Variants in ZNF524 observed in about 807,000 individuals in gnomAD.
ZNF524 encodes zinc finger protein 524.
For missense variants in ZNF524, 388 were observed against 380.1 expected (o/e 1.02, Z -0.17); for synonymous variants, 194 against 166.3 (o/e 1.17, Z -1.28).
Position 55,602,886 on chromosome 19 carries a change from G to A in ZNF524, c.774G>A (p.Glu258=), listed in dbSNP as rs756834477. The A allele has an allele frequency of 3.8e-6, 6 of 1,583,332 alleles. No homozygotes were observed. Among genetic ancestry groups the A allele is most frequent in the Non-Finnish European group, 5.1e-6 (6 of 1,165,362 alleles). ...GGGCCGAGGAGGAGGAGGAGACAGAGGGGAAAGGGGAGCCGGCCTGACCCA... is the reference window on the plus strand; with the variant it reads ...GGGCCGAGGAGGAGGAGGAGACAGAAGGGAAAGGGGAGCCGGCCTGACCCA... ...TAGAEEEEET[E]GKGEPA is the part of the protein sequence containing the mutation. The change falls in exon 2 of 2, where the codon GAG becomes GAA. Residue 258 remains glutamate (E), a synonymous_variant. Coordinates refer to ENST00000301073, the MANE Select transcript of ZNF524 (RefSeq NM_153219.4).
chr19:55,601,405 C>T (rs1980673348), intron 1 of ZNF524: 1 of 152,246 alleles, frequency 6.6e-6, no homozygotes, highest in South Asian at 2.1e-4. Context: ...GTATTATGCT[C>T]ATGGCATGTC....
chr19:55,602,692 G>T lies in ZNF524; in HGVS notation c.580G>T (p.Gly194Trp). Residue 194 changes from glycine (G) to tryptophan (W), a missense_variant, in exon 2 of 2, where the codon GGG becomes TGG. Coordinates refer to ENST00000301073, the MANE Select transcript of ZNF524 (RefSeq NM_153219.4). ...GGCGCACCACCACCGCGTGCACTCG[G>T]GGGAGCGCCCGTACCAGTGCCCCAT... The part of the protein sequence containing the change: ...ELAHHHRVHS[G>W]ERPYQCPICR... 1.9e-6 allele frequency: 3 copies of T among 1,600,962 alleles called. No individual in the cohort carries two copies. The South Asian group carries it at 3.3e-5, about 18-fold the overall frequency.
chr19:55,601,937 T>G (rs1980701215), intron 1 of ZNF524, 138 bp from the exon 2 acceptor site: 4 of 518,988 alleles, frequency 7.7e-6, no homozygotes, highest in Non-Finnish European at 1.3e-5. Flanking sequence ...CCCACCAGCA[T>G]AGCTAAAATT....
rs933595277 is a variant in ZNF524 at position 55,602,319 on chromosome 19, G to T, written c.207G>T (p.Val69=). Residue 69 remains valine (V), a synonymous_variant, in exon 2 of 2, where the codon GTG becomes GTT. Transcript: ENST00000301073. ...KSGQEPPLVQ[V]QGVTAPVGSS... ...GGCAGGAGCCCCCACTGGTGCAGGT[G>T]CAGGGGGTGACAGCCCCAGTAGGCA... 4 of 1,577,992 alleles carry T rather than the reference G, an allele frequency of 2.5e-6. No individual in the cohort carries two copies. The African/African-American group carries it at 5.4e-5, about 21-fold the overall frequency.
chr19:55,600,015 C>G (rs1397984356), upstream of ZNF524: 3 of 152,274 alleles, frequency 2.0e-5, no homozygotes, highest in Non-Finnish European at 4.4e-5. Context: ...TTTCCCGCTC[C>G]TCATCATTCG....
intron 1 of ZNF524, chr19:55,601,255 T>C (rs1980665864): frequency 1.3e-5 from 2 of 152,238 alleles, no homozygotes; most frequent in African/African-American, 4.8e-5. Context: ...GGCAACTGAC[T>C]TGGCTTTCCT....
chr19:55,600,558 C>T (rs1568520229), intron 1 of ZNF524, 150 bp downstream of exon 1: 1 of 151,500 alleles, frequency 6.6e-6, no homozygotes, highest in Non-Finnish European at 1.5e-5. Context: ...CGCAGACCCC[C>T]TTCCTGGCAG....
At position 55,603,016 on chromosome 19, in the gene ZNF524, G is replaced by A. The variant is rs1980783618; in HGVS notation, c.*109G>A. 1 of 1,340,058 alleles carries A rather than the reference G, an allele frequency of 7.5e-7. No individual in the cohort carries two copies. The highest frequency in any genetic ancestry group is 1.5e-5 in the African/African-American group (1 of 67,762). 83.0% of individuals were successfully genotyped at this position (1,340,058 alleles called of 1,614,324 possible). On this transcript the variant is annotated 3_prime_UTR_variant, in exon 2 of 2. Coordinates refer to ENST00000301073, the MANE Select transcript of ZNF524 (RefSeq NM_153219.4). ...CACCCTTGTTTCCGGTGGTCTTCCCGTTGTGGGAGCAGGTGGAGGGTGGAG... is the reference window on the plus strand; with the variant it reads ...CACCCTTGTTTCCGGTGGTCTTCCCATTGTGGGAGCAGGTGGAGGGTGGAG...
At chr19:55,601,894 T>G (rs1039403224) in intron 1 of ZNF524, 181 bp from the exon 2 acceptor site, 1 of 418,020 alleles carries the variant, frequency 2.4e-6, no homozygotes, top group African/African-American at 2.0e-5. Context: ...AGTGCCTGTT[T>G]ATCAGCTGAT....
chr19:55,602,620 T>C lies in ZNF524; in HGVS notation c.508T>C (p.Phe170Leu). 1 of 1,581,318 alleles carries C rather than the reference T, an allele frequency of 6.3e-7. No homozygotes were observed. Among genetic ancestry groups the C allele is most frequent in the Non-Finnish European group, 8.5e-7 (1 of 1,170,064 alleles). ...HCNIHAGLRP[F>L]RCPLCPRRFR... ...CAACATCCATGCCGGCCTGCGGCCC[T>C]TCCGCTGCCCGCTGTGCCCCCGCCG... is the stretch of plus-strand genomic sequence containing the variant. Residue 170 changes from phenylalanine to leucine, a missense_variant, in exon 2 of 2, where the codon TTC becomes CTC. By Grantham distance (22) the Phe-to-Leu change is conservative. Transcript: ENST00000301073.
chr19:55,600,865 C>CAGCT (rs1395442632), intron 1 of ZNF524: 1 of 152,418 alleles, frequency 6.6e-6, no homozygotes, highest in Non-Finnish European at 1.5e-5. Flanking sequence ...CACCTGCTTC[C>CAGCT]AGCTGCACCT....
chr19:55,602,232 C>A lies in ZNF524; in HGVS notation c.120C>A (p.Thr40=). ...GAGGCCGTCGTCCTGGGGGAGCCAC[C>A]TCCTCAAATCGGACACTCAAGGCCT... ...GRRGRRPGGA[T]SSNRTLKASL... is the part of the protein sequence containing the mutation. Residue 40 remains threonine, a synonymous_variant, in exon 2 of 2, where the codon ACC becomes ACA. Transcript: ENST00000301073. 2 of 1,612,244 alleles carry A rather than the reference C, an allele frequency of 1.2e-6. No homozygotes were observed. Among genetic ancestry groups the A allele is most frequent in the Non-Finnish European group, 8.5e-7 (1 of 1,179,454 alleles).
chr19:55,600,579 C>G (rs1216602209), intron 1 of ZNF524, 171 bp downstream of exon 1: 3 of 151,974 alleles, frequency 2.0e-5, no homozygotes, highest in Non-Finnish European at 2.9e-5. Flanking sequence ...CCCCCGCCGC[C>G]CGCTTACCCG....
In ZNF524 at chr19:55,603,014, C is replaced by T; in HGVS notation, c.*107C>T. 1 of 1,348,652 alleles carries T rather than the reference C, an allele frequency of 7.4e-7. No individual in the cohort carries two copies. The highest frequency in any genetic ancestry group is 9.9e-7 in the Non-Finnish European group (1 of 1,006,978). 83.5% of individuals were successfully genotyped at this position (1,348,652 alleles called of 1,614,324 possible). ...GACACCCTTGTTTCCGGTGGTCTTCCCGTTGTGGGAGCAGGTGGAGGGTGG... is the reference window on the plus strand; with the variant it reads ...GACACCCTTGTTTCCGGTGGTCTTCTCGTTGTGGGAGCAGGTGGAGGGTGG... On this transcript the variant is annotated 3_prime_UTR_variant, in exon 2 of 2. Transcript: ENST00000301073.
chr19:55,602,258 C>T lies in ZNF524; in HGVS notation c.146C>T (p.Ser49Phe), dbSNP rs1343777661. 6.2e-7 allele frequency: 1 copy of T among 1,607,958 alleles called. No individual in the cohort carries two copies. Among genetic ancestry groups the T allele is most frequent in the South Asian group, 1.1e-5 (1 of 90,232 alleles). Residue 49 changes from serine (S) to phenylalanine (F), a missense_variant, in exon 2 of 2, where the codon TCC becomes TTC. Transcript: ENST00000301073. ...ATSSNRTLKA[S>F]LPRKRGRPPK... The stretch of plus-strand genomic sequence containing the variant: ...TCCTCAAATCGGACACTCAAGGCCT[C>T]CCTCCCTCGCAAGCGGGGCCGCCCC...
At chr19:55,600,546 C>G (rs1599997531) in intron 1 of ZNF524, 138 bp downstream of exon 1, 1 of 151,354 alleles carries the variant, frequency 6.6e-6, no homozygotes, top group African/African-American at 2.4e-5. Flanking sequence ...CGGGCGCGCG[C>G]GCGCAGACCC....
At position 55,602,365 on chromosome 19, in the gene ZNF524, C is replaced by T. The variant is rs746143443; in HGVS notation, c.253C>T (p.Leu85Phe). The change falls in exon 2 of 2, where the codon CTC becomes TTC. Residue 85 changes from leucine (L) to phenylalanine (F), a missense_variant. Transcript: ENST00000301073. ...AGGCAGCAGTGGCGGGAGCGACCTCCTCCTGATCGATGATCAGGGTGTGCC... is the reference window on the plus strand; with the variant it reads ...AGGCAGCAGTGGCGGGAGCGACCTCTTCCTGATCGATGATCAGGGTGTGCC... ...PVGSSGGSDL[L>F]LIDDQGVPYT... 1.4e-5 allele frequency: 22 copies of T among 1,561,754 alleles called. No homozygotes were observed. In the South Asian group the frequency reaches 2.2e-4, roughly 16 times the overall value.
At position 55,602,361 on chromosome 19, in the gene ZNF524, C is replaced by T. The variant is rs751504609; in HGVS notation, c.249C>T (p.Asp83=). 1 of 1,560,588 alleles carries T rather than the reference C, an allele frequency of 6.4e-7. No homozygotes were observed. The highest frequency in any genetic ancestry group is 1.4e-5 in the African/African-American group (1 of 73,556). Residue 83 remains aspartate, a synonymous_variant, in exon 2 of 2, where the codon GAC becomes GAT. Coordinates refer to ENST00000301073, the MANE Select transcript of ZNF524 (RefSeq NM_153219.4). ...TAPVGSSGGS[D]LLLIDDQGVP... ...CAGTAGGCAGCAGTGGCGGGAGCGACCTCCTCCTGATCGATGATCAGGGTG... is the reference window on the plus strand; with the variant it reads ...CAGTAGGCAGCAGTGGCGGGAGCGATCTCCTCCTGATCGATGATCAGGGTG...
rs1451695274 is a variant in ZNF524 at position 55,602,751 on chromosome 19, C to G, written c.639C>G (p.Leu213=). The change falls in exon 2 of 2, where the codon CTC becomes CTG. Residue 213 remains leucine, a synonymous_variant. Transcript: ENST00000301073. ...TGCGCTTTACAGAGGCCAACACGCT[C>G]CGGCGCCATGCGAAGCGCAAGCACC... is the stretch of plus-strand genomic sequence containing the variant. ...CRLRFTEANT[L]RRHAKRKHPE... 1 of 1,608,878 alleles carries G rather than the reference C, an allele frequency of 6.2e-7. No individual in the cohort carries two copies. Among genetic ancestry groups the G allele is most frequent in the East Asian group, 2.2e-5 (1 of 44,872 alleles).
Sources: allele counts gnomAD v4.1 joint callset, GRCh38; gene constraint gnomAD v4.1.1; transcripts MANE v1.5; gene names NCBI Gene and HGNC (gene_info 2026-07-23, HGNC 2026-07-21).